Variants in SPATA13 observed in about 807,000 individuals in gnomAD.
SPATA13 encodes spermatogenesis associated 13.
A neutral mutation model predicts 104.0 loss-of-function variants in SPATA13; 50 were observed. The observed-to-expected ratio is 0.48, with a 90% confidence interval of 0.38 to 0.61. The LOEUF (loss-of-function observed/expected upper bound fraction) is 0.61. SPATA13 is among the 20% of genes least tolerant of loss of function. SPATA13 has a pLI of 0.00. For synonymous variants in SPATA13, 606 were observed against 667.5 expected, an observed-to-expected ratio of 0.91 and a Z score of 1.42; for missense variants, 1,524 against 1,690.6, an observed-to-expected ratio of 0.90 and a Z score of 1.73.
chr13:24,182,370 A>AGAGTTTTTCCC (rs1348408894), intron 1 of SPATA13, among the ~76,000 whole-genome samples: 1 of 152,146 alleles, frequency 6.6e-6, no homozygotes, highest in Non-Finnish European at 1.5e-5. Context: ...ACGGTTCTGC[A>AGAGTTTTTCCC]GGCTGTACAG....
intron 3 of SPATA13, among the ~76,000 whole-genome samples, chr13:24,036,245 A>AGAGTTTTG (rs1479886828): frequency 4.6e-5 from 7 of 152,302 alleles, no homozygotes; most frequent in Non-Finnish European, 1.0e-4. Flanking sequence ...TAGGAACGAC[A>AGAGTTTTG]GTGTTTTGGT....
chr13:24,069,977 G>A (rs936099256), intron 3 of SPATA13, among the ~76,000 whole-genome samples: 15 of 152,196 alleles, frequency 9.9e-5, no homozygotes, highest in Non-Finnish European at 2.1e-4. Flanking sequence ...TCTGAGATGT[G>A]GGAGTGCGGT....
At chr13:24,204,247 C>T (rs912148) in intron 1 of SPATA13, among the ~76,000 whole-genome samples, 134,967 of 152,156 alleles carry the variant, frequency 0.89, 62,103 homozygotes, top group South Asian at 1. Flanking sequence ...GTCTCTGTTA[C>T]TGTTATCCAC....
At chr13:24,119,858 G>A (rs1880978409) in intron 3 of SPATA13, among the ~76,000 whole-genome samples, 1 of 152,174 alleles carries the variant, frequency 6.6e-6, no homozygotes, top group Non-Finnish European at 1.5e-5. Flanking sequence ...GTCAGTCTAT[G>A]CATGCTAGGA....
intron 3 of SPATA13, among the ~76,000 whole-genome samples, chr13:24,142,058 C>T (rs750388241): frequency 5.9e-5 from 9 of 151,864 alleles, no homozygotes; most frequent in Admixed American, 1.3e-4. Context: ...TTGTGGTTTA[C>T]GGTCCTGATA....
intron 1 of SPATA13, among the ~76,000 whole-genome samples, chr13:24,198,183 CG>C (rs1458882421): frequency 6.6e-6 from 1 of 152,060 alleles, no homozygotes; most frequent in Admixed American, 6.6e-5. Context: ...TTAGTAGAGA[CG>C]GGGTTTCACT....
At chr13:24,014,043 C>T (rs1876599161) in intron 2 of SPATA13, among the ~76,000 whole-genome samples, 1 of 152,200 alleles carries the variant, frequency 6.6e-6, no homozygotes, top group Non-Finnish European at 1.5e-5. Flanking sequence ...GCTAGGGCTG[C>T]TGTGCCACAG....
At chr13:24,052,845 CTGTG>C (rs1418291761) in intron 3 of SPATA13, among the ~76,000 whole-genome samples, 1,343 of 110,628 alleles carry the variant, frequency 0.012, no homozygotes, top group Middle Eastern at 0.018. Context: ...CTCCCCGCCA[CTGTG>C]CCCTGCCCAC....
At chr13:24,114,355 A>ATGTGTGTGCCTGCATGTGTGCACATG (rs1277431925) in intron 3 of SPATA13, among the ~76,000 whole-genome samples, 4 of 73,046 alleles carry the variant, frequency 5.5e-5, no homozygotes, top group East Asian at 4.7e-4. Flanking sequence ...TTCAGTGTGC[A>ATGTGTGTGCCTGCATGTGTGCACATG]CGTGTGTGCC....
chr13:24,127,923 G>A (rs186885067), intron 3 of SPATA13, among the ~76,000 whole-genome samples: 24 of 152,322 alleles, frequency 1.6e-4, no homozygotes, highest in Non-Finnish European at 1.8e-4. Flanking sequence ...TCATGCCTCC[G>A]TTGGCAGAAT....
intron 2 of SPATA13, among the ~76,000 whole-genome samples, chr13:23,989,020 G>A (rs916778867): frequency 3.3e-5 from 5 of 152,156 alleles, no homozygotes; most frequent in Admixed American, 6.5e-5. Context: ...TTTTATTAAG[G>A]GGAGAGTCCA....
chr13:24,029,545 C>T (rs1332297084), intron 3 of SPATA13, among the ~76,000 whole-genome samples: 1 of 151,902 alleles, frequency 6.6e-6, no homozygotes, highest in Non-Finnish European at 1.5e-5. Flanking sequence ...AAACTGGGGA[C>T]CCTGTATTTT....
chr13:24,214,002 A>G (rs914559363), intron 1 of SPATA13, among the ~76,000 whole-genome samples: 1 of 152,222 alleles, frequency 6.6e-6, no homozygotes, highest in Non-Finnish European at 1.5e-5. Flanking sequence ...ATGGCATTTT[A>G]TATATGTTTG....
In SPATA13 at chr13:24,297,717, C is replaced by T; in HGVS notation, c.3565C>T (p.Gln1189Ter). 6.2e-7 allele frequency: 1 copy of T among 1,612,206 alleles called. No individual in the cohort carries two copies. ...QACADERRRV[Q>*]EDKEMGMEIS... is the part of the protein sequence containing the mutation. ...CTGTGCAGATGAAAGGAGGCGGGTGCAAGAGGACAAGGAGATGGGTGAGCA... is the reference window on the plus strand; with the variant it reads ...CTGTGCAGATGAAAGGAGGCGGGTGTAAGAGGACAAGGAGATGGGTGAGCA... Residue 1189 changes from glutamine (Q) to a stop codon, truncating the protein, a stop_gained, in exon 11 of 13, where the codon CAA becomes TAA. Coordinates refer to ENST00000382108, the MANE Select transcript of SPATA13 (RefSeq NM_001166271.3). LOFTEE classifies it high-confidence loss of function.
At chr13:24,140,068 CAAAAA>C (rs542732994) in intron 3 of SPATA13, among the ~76,000 whole-genome samples, 1 of 85,906 alleles carries the variant, frequency 1.2e-5, no homozygotes, top group Non-Finnish European at 2.7e-5. Context: ...GACTCCGTCT[CAAAAA>C]AAAAAAAAAA....
At chr13:24,104,542 C>T (rs988775553) in intron 3 of SPATA13, among the ~76,000 whole-genome samples, 1 of 152,146 alleles carries the variant, frequency 6.6e-6, no homozygotes, top group African/African-American at 2.4e-5. Context: ...CAAGGCATCC[C>T]TTAGAGACAA....
In SPATA13 at chr13:24,284,148, A is replaced by T. The variant is rs1875741127; in HGVS notation, c.2178A>T (p.Gly726=). Residue 726 remains glycine, a synonymous_variant, in exon 5 of 13, where the codon GGA becomes GGT. Transcript: ENST00000382108. The part of the protein sequence containing the change: ...QMRASNVSSD[G]GTEPSALVDD... ...TGTATGTTTTAGTTTCTTCAGATGG[A>T]GGTACTGAGCCCTCTGCCTTAGTGG... is the stretch of plus-strand genomic sequence containing the variant. 1 of 1,611,738 alleles carries T rather than the reference A, an allele frequency of 6.2e-7. No individual in the cohort carries two copies. Among genetic ancestry groups the T allele is most frequent in the African/African-American group, 1.3e-5 (1 of 74,968 alleles).
chr13:24,184,234 G>A (rs1869003852), intron 1 of SPATA13, among the ~76,000 whole-genome samples: 1 of 152,214 alleles, frequency 6.6e-6, no homozygotes, highest in Non-Finnish European at 1.5e-5. Flanking sequence ...TCATTTGGAT[G>A]TGGAAATTCC....
chr13:24,282,036 C>A (rs1005586786), intron 4 of SPATA13, among the ~76,000 whole-genome samples: 8 of 152,112 alleles, frequency 5.3e-5, no homozygotes, highest in African/African-American at 1.9e-4. Flanking sequence ...CCATGTTTAT[C>A]ATTGTTCTAG....
Sources: gnomAD v4.1 joint callset for allele counts (sites outside exome capture counted in the v4.1 genomes callset) on GRCh38, gnomAD v4.1.1 for gene constraint, MANE v1.5 for transcripts, NCBI Gene and HGNC (gene_info 2026-07-23, HGNC 2026-07-21) for gene names.